The following SMOC2 variants were observed in gnomAD, a reference collection of about 807,000 sequenced individuals.
SMOC2 encodes the protein SPARC related modular calcium binding 2.
A neutral mutation model predicts 61.4 loss-of-function variants in SMOC2; 39 were observed. That is an observed-to-expected ratio of 0.64 (90% confidence interval 0.49 to 0.83). The LOEUF (loss-of-function observed/expected upper bound fraction) is 0.83. Among genes scored for constraint, SMOC2 ranks in the 40% least tolerant of loss-of-function variants. The pLI is 0.00. For synonymous variants in SMOC2, 247 were observed against 239.9 expected, an observed-to-expected ratio of 1.03 and a Z score of -0.27; for missense variants, 556 against 592.9, an observed-to-expected ratio of 0.94 and a Z score of 0.65.
At chr6:168,480,747 C>T (rs1782186931) in intron 1 of SMOC2, among the ~76,000 whole-genome samples, 1 of 151,984 alleles carries the variant, frequency 6.6e-6, no homozygotes, top group African/African-American at 2.4e-5. Flanking sequence ...GCTCAATGTA[C>T]TCTAAGAAAG....
At chr6:168,588,597 G>T (rs1413261472) in intron 7 of SMOC2, among the ~76,000 whole-genome samples, 1 of 152,216 alleles carries the variant, frequency 6.6e-6, no homozygotes, top group Non-Finnish European at 1.5e-5. Context: ...CAGATTCTGT[G>T]TGACAAGTGA....
chr6:168,619,564 A>T (rs77589478), intron 9 of SMOC2, among the ~76,000 whole-genome samples: 29 of 152,370 alleles, frequency 1.9e-4, no homozygotes, highest in African/African-American at 6.2e-4. Context: ...AATAACAAGT[A>T]TGCTTTTAAC....
intron 1 of SMOC2, among the ~76,000 whole-genome samples, chr6:168,468,853 G>C (rs1781903282): frequency 6.6e-6 from 1 of 152,186 alleles, no homozygotes; most frequent in African/African-American, 2.4e-5. Context: ...GGTTTTATTT[G>C]TAAAGCTCAT....
At chr6:168,606,380 G>T (rs923809984) in intron 8 of SMOC2, among the ~76,000 whole-genome samples, 5 of 152,114 alleles carry the variant, frequency 3.3e-5, no homozygotes, top group African/African-American at 1.2e-4. Context: ...ATTTCAAAAA[G>T]ATATATTAAG....
chr6:168,442,371 C>T (rs527461352), intron 1 of SMOC2, among the ~76,000 whole-genome samples: 3 of 152,262 alleles, frequency 2.0e-5, no homozygotes, highest in Non-Finnish European at 4.4e-5. Context: ...GGGGCTGAGC[C>T]AAGCCCCCGC....
chr6:168,494,821 G>T (rs758112100), intron 1 of SMOC2, among the ~76,000 whole-genome samples: 1 of 152,192 alleles, frequency 6.6e-6, no homozygotes, highest in African/African-American at 2.4e-5. Context: ...GCACCACTTC[G>T]CTCCCAGCTG....
intron 1 of SMOC2, among the ~76,000 whole-genome samples, chr6:168,442,125 G>T (rs981659767): frequency 2.0e-5 from 3 of 152,264 alleles, no homozygotes; most frequent in Non-Finnish European, 1.5e-5. Context: ...TTCTTCACGG[G>T]CCTGAGTGTT....
rs1195588176 is a variant in SMOC2, at chr6:168,475,556, C to A, written c.84+34102C>A. 6.6e-6 allele frequency among the ~76,000 whole-genome samples: 1 copy of A among 151,940 alleles called. No homozygotes were observed. Among genetic ancestry groups the A allele is most frequent in the Non-Finnish European group, 1.5e-5 (1 of 67,950 alleles). ...GGAGAGGAGGCCATGGCCAGCGTTG[C>A]CTTGGGGGACAGGGCATGAAGGCAC... is the stretch of plus-strand genomic sequence containing the variant. On this transcript the variant is annotated intron_variant, in intron 1 of 12. Transcript: ENST00000356284. The surrounding 1 kb of genome is among the most constrained non-coding windows in gnomAD (Gnocchi z 4.6).
At chr6:168,447,027 A>G (rs977648120) in intron 1 of SMOC2, among the ~76,000 whole-genome samples, 3 of 152,180 alleles carry the variant, frequency 2.0e-5, no homozygotes, top group Non-Finnish European at 4.4e-5. Context: ...CCTTCAGCAC[A>G]TATCTCTGCC....
At chr6:168,569,145 C>A (rs528331897) in intron 7 of SMOC2, among the ~76,000 whole-genome samples, 1 of 152,306 alleles carries the variant, frequency 6.6e-6, no homozygotes, top group African/African-American at 2.4e-5. Context: ...CTGTGGTGGC[C>A]ACGCCATTCT....
chr6:168,518,660 TG>T (rs1783218274), intron 2 of SMOC2, among the ~76,000 whole-genome samples: 1 of 150,100 alleles, frequency 6.7e-6, no homozygotes, highest in Non-Finnish European at 1.5e-5. Context: ...TGGGTGTGTA[TG>T]TATGGAGAGT....
At chr6:168,660,747 C>G (rs1212089174) in intron 11 of SMOC2, among the ~76,000 whole-genome samples, 1 of 152,228 alleles carries the variant, frequency 6.6e-6, no homozygotes, top group East Asian at 1.9e-4. Context: ...CTCAGCCTCC[C>G]ACCTTCCAAA....
rs565372468 is a variant in SMOC2, at chr6:168,595,483, C to T, written c.638-3335C>T. Among the ~76,000 whole-genome samples the T allele has an allele frequency of 5.3e-5, 8 of 152,324 alleles. No individual in the cohort carries two copies. The East Asian group carries it at 9.7e-4, about 18-fold the overall frequency. On this transcript the variant is annotated intron_variant, in intron 7 of 12. Transcript: ENST00000356284. ...CGTCAGCTCTGCCTGCAGAACGCTG[C>T]GTTCTGGGGTGCCCCAGGAGGGAGT...
At position 168,452,285 on chromosome 6, in the gene SMOC2, A is replaced by G. The variant is rs1483588501; in HGVS notation, c.84+10831A>G. ...TAGAAGTCTGGGATATGCATGTTACATTCAGGATTACTACCCACATATCAG... is the reference window on the plus strand; with the variant it reads ...TAGAAGTCTGGGATATGCATGTTACGTTCAGGATTACTACCCACATATCAG... On this transcript the variant is annotated intron_variant, in intron 1 of 12. Transcript: ENST00000356284. The surrounding 1 kb of genome is among the most constrained non-coding windows in gnomAD (Gnocchi z 5.0). Among the ~76,000 whole-genome samples the G allele has an allele frequency of 6.6e-6, 1 of 152,220 alleles. No individual in the cohort carries two copies. The highest frequency in any genetic ancestry group is 2.4e-5 in the African/African-American group (1 of 41,458).
At chr6:168,634,098 C>T (rs1786648945) in intron 9 of SMOC2, among the ~76,000 whole-genome samples, 1 of 152,182 alleles carries the variant, frequency 6.6e-6, no homozygotes, top group African/African-American at 2.4e-5. Flanking sequence ...TGAGTCCATT[C>T]AACCTCTTTC....
intron 1 of SMOC2, among the ~76,000 whole-genome samples, chr6:168,471,263 G>A (rs1198191871): frequency 1.3e-5 from 2 of 152,166 alleles, no homozygotes; most frequent in African/African-American, 4.8e-5. Context: ...GTCTCTATCA[G>A]TTTGCTCCGA....
intron 11 of SMOC2, among the ~76,000 whole-genome samples, chr6:168,658,893 T>G (rs1177999753): frequency 6.6e-6 from 1 of 151,318 alleles, no homozygotes; most frequent in African/African-American, 2.4e-5. Context: ...GTGGAGTATG[T>G]GTATGTGTGG....
At position 168,545,922 on chromosome 6, in the gene SMOC2, T is replaced by C. The variant is rs534772455; in HGVS notation, c.512-1197T>C. 2.0e-4 allele frequency among the ~76,000 whole-genome samples: 31 copies of C among 152,378 alleles called. No homozygotes were observed. The South Asian group carries it at 5.8e-3, about 28-fold the overall frequency. ...TTTGTTTTATTTTCTTGGAAGAAGA[T>C]TGTAAAATATTCAACCACAGAATAT... On this transcript the variant is annotated intron_variant, in intron 5 of 12. Coordinates refer to ENST00000356284, the MANE Select transcript of SMOC2 (RefSeq NM_001166412.2).
intron 7 of SMOC2, among the ~76,000 whole-genome samples, chr6:168,556,287 C>T (rs577797368): frequency 6.6e-6 from 1 of 152,308 alleles, no homozygotes; most frequent in African/African-American, 2.4e-5. Flanking sequence ...GGGGAAGCTG[C>T]GGGCTCCTTT....
Sources: allele counts gnomAD v4.1 joint callset (sites outside exome capture counted in the v4.1 genomes callset), GRCh38; gene constraint gnomAD v4.1.1; non-coding constraint Gnocchi (gnomAD v3.1); transcripts MANE v1.5; gene names NCBI Gene and HGNC (gene_info 2026-07-23, HGNC 2026-07-21).